TACR1: variants seen among roughly 807,000 people sequenced by gnomAD.
TACR1 encodes tachykinin receptor 1.
A neutral mutation model predicts 35.8 loss-of-function variants in TACR1; 25 were observed. That is an observed-to-expected ratio of 0.70 (90% confidence interval 0.51 to 0.98). The LOEUF (loss-of-function observed/expected upper bound fraction) is 0.98. Ranked by LOEUF, TACR1 falls within the 50% of genes least tolerant of loss-of-function variation. The pLI is 0.00. For synonymous variants in TACR1, 195 were observed against 206.7 expected, an observed-to-expected ratio of 0.94 and a Z score of 0.48; for missense variants, 478 against 522.9, an observed-to-expected ratio of 0.91 and a Z score of 0.84.
At chr2:75,195,516 A>G (rs955534809) in intron 1 of TACR1, among the ~76,000 whole-genome samples, 9 of 152,082 alleles carry the variant, frequency 5.9e-5, no homozygotes, top group African/African-American at 2.2e-4. Flanking sequence ...CTCCGCATAT[A>G]TCTTGATTCT....
At chr2:75,050,345 G>GAATGTC (rs1672441151) in intron 4 of TACR1, among the ~76,000 whole-genome samples, 1 of 152,230 alleles carries the variant, frequency 6.6e-6, no homozygotes. Flanking sequence ...AAGTTGAAGA[G>GAATGTC]AATGTCTTTC....
At chr2:75,081,562 T>C (rs1338729992) in intron 2 of TACR1, among the ~76,000 whole-genome samples, 2 of 152,058 alleles carry the variant, frequency 1.3e-5, no homozygotes, top group East Asian at 3.9e-4. Flanking sequence ...GATTGGGGTG[T>C]CACATGTATA....
intron 2 of TACR1, among the ~76,000 whole-genome samples, chr2:75,110,764 T>C (rs1489332864): frequency 6.7e-6 from 1 of 149,740 alleles, no homozygotes; most frequent in Non-Finnish European, 1.5e-5. Context: ...TGATTTGATA[T>C]TTGTTTCTAA....
intron 1 of TACR1, among the ~76,000 whole-genome samples, chr2:75,130,803 G>A (rs895382387): frequency 2.6e-5 from 4 of 152,202 alleles, no homozygotes; most frequent in South Asian, 4.1e-4. Context: ...TAAGACAACC[G>A]TGCTCAAAGA....
intron 2 of TACR1, among the ~76,000 whole-genome samples, chr2:75,060,880 T>C (rs1672657295): frequency 6.6e-6 from 1 of 151,954 alleles, no homozygotes; most frequent in Admixed American, 6.5e-5. Context: ...GGGGAAGAGC[T>C]GGTGGACTTG....
chr2:75,168,634 C>T (rs138485692), intron 1 of TACR1, among the ~76,000 whole-genome samples: 1 of 152,294 alleles, frequency 6.6e-6, no homozygotes, highest in African/African-American at 2.4e-5. Flanking sequence ...CTGTGGCGGA[C>T]TTCTCCCCAA....
intron 2 of TACR1, among the ~76,000 whole-genome samples, chr2:75,101,559 T>C (rs1190074306): frequency 6.6e-6 from 1 of 152,140 alleles, no homozygotes; most frequent in Non-Finnish European, 1.5e-5. Flanking sequence ...CCACTGTAGA[T>C]TACTTTGGGA....
rs535811731 is a variant in TACR1, at chr2:75,159,711, C to T, written c.389+38835G>A. ...ACCACACTTTCCCTAATATTAGTTA[C>T]TGTTTTCTTGCACTGGCTTGAGGCT... On this transcript the variant is annotated intron_variant, in intron 1 of 4. Transcript: ENST00000305249. 5.6e-4 allele frequency among the ~76,000 whole-genome samples: 85 copies of T among 152,242 alleles called. 1 individual carries two copies. Among genetic ancestry groups the T allele is most frequent in the African/African-American group, 2.0e-3 (83 of 41,540 alleles).
chr2:75,179,418 C>G (rs1451116340), intron 1 of TACR1, among the ~76,000 whole-genome samples: 1 of 152,192 alleles, frequency 6.6e-6, no homozygotes, highest in Admixed American at 6.5e-5. Context: ...TGGCCCCTTA[C>G]TGTCCATTTG....
At position 75,184,794 on chromosome 2, in the gene TACR1, A is replaced by T. The variant is rs185870103; in HGVS notation, c.389+13752T>A. Among the ~76,000 whole-genome samples, 854 of 151,698 alleles carry T rather than the reference A, an allele frequency of 5.6e-3. 2 individuals carry two copies. The highest frequency in any genetic ancestry group is 9.1e-3 in the Non-Finnish European group (615 of 67,780). ...TATGCAATATATAATAAAACTTTTT[A>T]AAAAATGTGTGGGATCTATAGAAGA... On this transcript the variant is annotated intron_variant, in intron 1 of 4. Transcript: ENST00000305249.
chr2:75,120,540 C>T (rs367869165), intron 2 of TACR1, 34 bp downstream of exon 2: 38 of 1,548,700 alleles, frequency 2.5e-5, no homozygotes, highest in East Asian at 4.6e-5. Context: ...CCTGCACCAT[C>T]GTTTCTTTGG....
chr2:75,198,633 C>T lies in TACR1; in HGVS notation c.302G>A (p.Gly101Asp), dbSNP rs763443404. The T allele has an allele frequency of 1.2e-6, 2 of 1,614,082 alleles. No homozygotes were observed. The highest frequency in any genetic ancestry group is 1.7e-6 in the Non-Finnish European group (2 of 1,180,038). ...TYAVHNEWYY[G>D]LFYCKFHNFF... Reference sequence around the variant, plus strand: ...GTTGTGGAACTTGCAGTAGAACAGGCCGTAGTACCATTCGTTGTGGACAGC... The same window carrying T: ...GTTGTGGAACTTGCAGTAGAACAGGTCGTAGTACCATTCGTTGTGGACAGC... The change falls in exon 1 of 5, where the codon GGC (glycine) becomes GAC (aspartate). Residue 101 changes from glycine (G) to aspartate (D), a missense_variant. By Grantham distance (94) the Gly-to-Asp change is moderately conservative. Transcript: ENST00000305249.
chr2:75,132,660 T>C (rs1674200613), intron 1 of TACR1, among the ~76,000 whole-genome samples: 1 of 152,238 alleles, frequency 6.6e-6, no homozygotes, highest in South Asian at 2.1e-4. Flanking sequence ...CACTGCATAC[T>C]GCTTATTTTC....
chr2:75,183,098 A>T (rs1675597215), intron 1 of TACR1, among the ~76,000 whole-genome samples: 1 of 152,206 alleles, frequency 6.6e-6, no homozygotes, highest in East Asian at 1.9e-4. Context: ...CTACATTTAC[A>T]AGCATGAGTG....
intron 1 of TACR1, among the ~76,000 whole-genome samples, chr2:75,181,494 A>G (rs1385467823): frequency 1.3e-5 from 2 of 152,226 alleles, no homozygotes; most frequent in Non-Finnish European, 2.9e-5. Context: ...ATTATTTTTA[A>G]AAACCATAGT....
chr2:75,076,311 C>T (rs1672974913), intron 2 of TACR1, among the ~76,000 whole-genome samples: 1 of 152,214 alleles, frequency 6.6e-6, no homozygotes, highest in Admixed American at 6.5e-5. Flanking sequence ...AATCCATCAC[C>T]TGTTGTCTTT....
At chr2:75,101,448 T>G (rs1279748571) in intron 2 of TACR1, among the ~76,000 whole-genome samples, 1 of 152,248 alleles carries the variant, frequency 6.6e-6, no homozygotes, top group Non-Finnish European at 1.5e-5. Context: ...TAACTCATGA[T>G]GTAGGTAATA....
intron 2 of TACR1, among the ~76,000 whole-genome samples, chr2:75,064,033 T>C (rs2103802309): frequency 6.6e-6 from 1 of 152,032 alleles, no homozygotes; most frequent in East Asian, 1.9e-4. Context: ...TGAATGTTGT[T>C]GGTCTGCCTT....
chr2:75,115,800 T>G (rs1053070564), intron 2 of TACR1, among the ~76,000 whole-genome samples: 4 of 145,210 alleles, frequency 2.8e-5, no homozygotes, highest in Non-Finnish European at 6.0e-5. Context: ...CCAGCTACTC[T>G]GGAGGCTGAG....
Sources: allele counts gnomAD v4.1 joint callset (sites outside exome capture counted in the v4.1 genomes callset), GRCh38; gene constraint gnomAD v4.1.1; transcripts MANE v1.5; gene names NCBI Gene and HGNC (gene_info 2026-07-23, HGNC 2026-07-21).